The following PRDM16 variants were observed in gnomAD, a reference collection of about 807,000 sequenced individuals.
PRDM16 encodes histone-lysine N-methyltransferase PRDM16.
A neutral mutation model predicts 110.6 loss-of-function variants in PRDM16; 23 were observed. The observed-to-expected ratio is 0.21, with a 90% CI of 0.15 to 0.29. PRDM16 has a LOEUF of 0.29. Among genes scored for constraint, PRDM16 ranks in the 10% least tolerant of loss-of-function variants. The pLI, the probability that PRDM16 is intolerant of heterozygous loss-of-function variation, is 1.00. For synonymous variants in PRDM16, 799 were observed against 781.8 expected (o/e 1.02, Z -0.37); for missense variants, 1,615 against 1,794.3 (o/e 0.90, Z 1.81).
rs377394375 is a variant in PRDM16 at position 3,339,968 on chromosome 1, C to T, written c.439-45184C>T. Among the ~76,000 whole-genome samples the T allele has an allele frequency of 3.3e-5, 5 of 152,166 alleles. No homozygotes were observed. In the East Asian group the frequency reaches 5.8e-4, roughly 18 times the overall value. On this transcript the variant is annotated intron_variant, in intron 3 of 16. Transcript: ENST00000270722. The surrounding 1 kb of genome is among the most constrained non-coding windows in gnomAD (Gnocchi z 5.0). ...GGGAACAGGTGTGCCATCCCCCGAG[C>T]GTGCCTCCTCCTCTCCCTGGGACCC...
intron 1 of PRDM16, among the ~76,000 whole-genome samples, chr1:3,130,708 G>A (rs942815816): frequency 2.0e-5 from 3 of 151,490 alleles, no homozygotes; most frequent in Non-Finnish European, 4.4e-5. Context: ...ATTACAGACG[G>A]ATGTCACCTC....
intron 3 of PRDM16, among the ~76,000 whole-genome samples, chr1:3,377,066 T>C (rs1468261190): frequency 1.3e-5 from 2 of 152,356 alleles, no homozygotes; most frequent in Middle Eastern, 3.4e-3. Context: ...ATTGTGACCA[T>C]TGTGTGTGCG....
At position 3,208,016 on chromosome 1, in the gene PRDM16, C is replaced by T. The variant is rs1638793089; in HGVS notation, c.387+21542C>T. 6.6e-6 allele frequency: 1 copy of T among 152,330 alleles called. No individual in the cohort carries two copies. The allele number at this position is 152,330 out of a possible 1,614,324, so 9.4% of individuals were successfully genotyped here. The stretch of plus-strand genomic sequence containing the variant: ...AAGAAATCACTGCATCTTCCTGTGC[C>T]TTGGTTTGCTCATCTGCGAGAGTCC... On this transcript the variant is annotated intron_variant, in intron 2 of 16. Coordinates refer to ENST00000270722, the MANE Select transcript of PRDM16 (RefSeq NM_022114.4). The surrounding 1 kb of genome is among the most constrained non-coding windows in gnomAD (Gnocchi z 6.1).
chr1:3,297,376 T>C (rs1052429351), intron 3 of PRDM16, among the ~76,000 whole-genome samples: 3 of 148,546 alleles, frequency 2.0e-5, no homozygotes, highest in Admixed American at 6.8e-5. Flanking sequence ...CTCCACCTCC[T>C]GGGTTTAAGC....
chr1:3,409,028 TGTGA>T (rs1417106588), intron 8 of PRDM16, among the ~76,000 whole-genome samples: 2 of 149,316 alleles, frequency 1.3e-5, no homozygotes, highest in African/African-American at 5.0e-5. Context: ...TGTCAGTGTG[TGTGA>T]GTGTGGGCGT....
At position 3,175,754 on chromosome 1, in the gene PRDM16, C is replaced by T. The variant is rs1017359014; in HGVS notation, c.38-10371C>T. Among the ~76,000 whole-genome samples, 14 of 152,186 alleles carry T rather than the reference C, an allele frequency of 9.2e-5. No individual in the cohort carries two copies. Among genetic ancestry groups the T allele is most frequent in the African/African-American group, 2.9e-4 (12 of 41,446 alleles). The stretch of plus-strand genomic sequence containing the variant: ...TGAAGAAGCAGCAGAGAAACCAGCC[C>T]TTTCTCCGAGGCAGGGCCTGGCTGA... On this transcript the variant is annotated intron_variant, in intron 1 of 16. Transcript: ENST00000270722. The surrounding 1 kb of genome is among the most constrained non-coding windows in gnomAD (Gnocchi z 4.8).
intron 3 of PRDM16, among the ~76,000 whole-genome samples, chr1:3,325,067 G>C (rs1641857830): frequency 6.6e-6 from 1 of 152,186 alleles, no homozygotes; most frequent in African/African-American, 2.4e-5. Flanking sequence ...CCCCAGCCCA[G>C]AGCTGGCTCA....
At chr1:3,325,533 G>A (rs998036485) in intron 3 of PRDM16, among the ~76,000 whole-genome samples, 6 of 152,196 alleles carry the variant, frequency 3.9e-5, no homozygotes, top group Non-Finnish European at 8.8e-5. Flanking sequence ...TGCCCTGGGC[G>A]GCTCTCAGGG....
chr1:3,098,302 GGCTCCCT>G (rs1437259791), intron 1 of PRDM16, among the ~76,000 whole-genome samples: 2 of 152,196 alleles, frequency 1.3e-5, no homozygotes, highest in African/African-American at 2.4e-5. Flanking sequence ...TCTTGGGGCC[GGCTCCCT>G]GCTCCCTGCT....
At chr1:3,090,074 C>T (rs1642240920) in intron 1 of PRDM16, among the ~76,000 whole-genome samples, 1 of 152,234 alleles carries the variant, frequency 6.6e-6, no homozygotes, top group South Asian at 2.1e-4. Context: ...GCAAAGTAAA[C>T]TGCCATACAA....
intron 1 of PRDM16, among the ~76,000 whole-genome samples, chr1:3,105,820 G>A (rs546914115): frequency 1.3e-5 from 2 of 152,340 alleles, no homozygotes; most frequent in African/African-American, 2.4e-5. Flanking sequence ...TTCCCCCTGC[G>A]GCGCCCCAGA....
Position 3,290,396 on chromosome 1 carries a change from G to A in PRDM16, c.438+46259G>A, listed in dbSNP as rs1406535194. Among the ~76,000 whole-genome samples the A allele has an allele frequency of 1.3e-5, 2 of 152,182 alleles. No homozygotes were observed. The highest frequency in any genetic ancestry group is 4.8e-5 in the African/African-American group (2 of 41,454). ...CTTATAGATGAGGAGGCACAGAGAG[G>A]GGGAAATTTGCCGGTTCCCCAAAGA... On this transcript the variant is annotated intron_variant, in intron 3 of 16. Coordinates refer to ENST00000270722, the MANE Select transcript of PRDM16 (RefSeq NM_022114.4). The surrounding 1 kb of genome is among the most constrained non-coding windows in gnomAD (Gnocchi z 4.8).
intron 3 of PRDM16, among the ~76,000 whole-genome samples, chr1:3,325,340 A>G (rs1302476749): frequency 6.6e-6 from 1 of 152,190 alleles, no homozygotes; most frequent in African/African-American, 2.4e-5. Context: ...GAGCCAGCTC[A>G]GGCCTGAGCA....
At chr1:3,127,700 C>A (rs1643238892) in intron 1 of PRDM16, among the ~76,000 whole-genome samples, 1 of 152,258 alleles carries the variant, frequency 6.6e-6, no homozygotes, top group Non-Finnish European at 1.5e-5. Flanking sequence ...TGGGCCATGT[C>A]CCCCTTGCGG....
chr1:3,213,815 C>A lies in PRDM16; in HGVS notation c.387+27341C>A, dbSNP rs754452366. ...GCCAGGGCCGTAGACCAAGGACTCC[C>A]GAGGCCAAGCCGGTGCCTTCCCAGG... On this transcript the variant is annotated intron_variant, in intron 2 of 16. Coordinates refer to ENST00000270722, the MANE Select transcript of PRDM16 (RefSeq NM_022114.4). The surrounding 1 kb of genome is among the most constrained non-coding windows in gnomAD (Gnocchi z 5.3). 6.6e-6 allele frequency among the ~76,000 whole-genome samples: 1 copy of A among 152,082 alleles called. No individual in the cohort carries two copies. Among genetic ancestry groups the A allele is most frequent in the South Asian group, 2.1e-4 (1 of 4,828 alleles).
chr1:3,395,682 C>A (rs1204342444), intron 4 of PRDM16, among the ~76,000 whole-genome samples: 2 of 152,246 alleles, frequency 1.3e-5, no homozygotes, highest in Non-Finnish European at 2.9e-5. Context: ...CTGGCCTCCC[C>A]TTTGTGAACT....
At chr1:3,197,216 C>A (rs1638501645) in intron 2 of PRDM16, among the ~76,000 whole-genome samples, 1 of 152,112 alleles carries the variant, frequency 6.6e-6, no homozygotes, top group Non-Finnish European at 1.5e-5. Flanking sequence ...GGGAAAGAGT[C>A]ATATGCGACC....
Position 3,436,336 on chromosome 1 carries a change from A to G in PRDM16, c.*2525A>G, listed in dbSNP as rs1638909097. 4.3e-6 allele frequency: 1 copy of G among 230,882 alleles called. No individual in the cohort carries two copies. Among genetic ancestry groups the G allele is most frequent in the Admixed American group, 5.6e-5 (1 of 17,702 alleles). The allele number at this position is 230,882 out of a possible 1,614,324, so 14.3% of individuals were successfully genotyped here. A position where few individuals can be genotyped will look rare whatever the true frequency, so the allele number is the denominator to read the frequency against. The stretch of plus-strand genomic sequence containing the variant: ...GTTGGTCTCCGGATCCCCCAGTCCC[A>G]TCCCGCCGTTTTCGGCTGTCTTCCT... On this transcript the variant is annotated 3_prime_UTR_variant, in exon 17 of 17. Coordinates refer to ENST00000270722, the MANE Select transcript of PRDM16 (RefSeq NM_022114.4).
At chr1:3,368,853 T>A (rs932488882) in intron 3 of PRDM16, among the ~76,000 whole-genome samples, 6 of 152,088 alleles carry the variant, frequency 3.9e-5, no homozygotes, top group Non-Finnish European at 5.9e-5. Context: ...AATAGCAAAA[T>A]CCACAAAGAA....
Sources: allele counts gnomAD v4.1 joint callset (sites outside exome capture counted in the v4.1 genomes callset), GRCh38; gene constraint gnomAD v4.1.1; non-coding constraint Gnocchi (gnomAD v3.1); transcripts MANE v1.5; gene names NCBI Gene and HGNC (gene_info 2026-07-23, HGNC 2026-07-21).